Variants in GATAD2B observed in about 807,000 individuals in gnomAD.
GATAD2B encodes the protein transcriptional repressor p66-beta.
GATAD2B carries 8 observed loss-of-function variants against 64.3 expected under a neutral mutation model. That is an observed-to-expected ratio of 0.12 (90% CI 0.07 to 0.22). The LOEUF is 0.22. GATAD2B is among the 10% of genes least tolerant of loss of function. The probability of loss-of-function intolerance (pLI) is 1.00; values close to 1 mark genes in which losing one functional copy is unlikely to be tolerated. For missense variants in GATAD2B, 453 were observed against 752.0 expected, an observed-to-expected ratio of 0.60 and a Z score of 4.65; for synonymous variants, 281 against 271.3, an observed-to-expected ratio of 1.04 and a Z score of -0.35.
At position 153,811,858 on chromosome 1, in the gene GATAD2B, TGAG is replaced by T. The variant is rs777493201; in HGVS notation, c.1531-13_1531-11del. On this transcript the variant is annotated splice_polypyrimidine_tract_variant and intron_variant, in intron 9 of 10. Coordinates refer to ENST00000368655, the MANE Select transcript of GATAD2B (RefSeq NM_020699.4). ...TCTGGGGCTGTGGAGCCTGCAATGATGAGGAGACAGTGGATACAACTTTGATAT... is the reference window on the plus strand; with the variant it reads ...TCTGGGGCTGTGGAGCCTGCAATGATGAGACAGTGGATACAACTTTGATAT... 1.9e-6 allele frequency: 3 copies of T among 1,558,824 alleles called. No individual in the cohort carries two copies. The highest frequency in any genetic ancestry group is 2.6e-6 in the Non-Finnish European group (3 of 1,134,146).
At chr1:153,911,660 C>T (rs902489433) in intron 1 of GATAD2B, among the ~76,000 whole-genome samples, 3 of 151,934 alleles carry the variant, frequency 2.0e-5, no homozygotes, top group East Asian at 1.9e-4. Context: ...CACTTGAACT[C>T]GGGAGGCGGA....
At chr1:153,826,181 T>G (rs1315499011) in intron 2 of GATAD2B, among the ~76,000 whole-genome samples, 1 of 152,058 alleles carries the variant, frequency 6.6e-6, no homozygotes, top group East Asian at 2.0e-4. Flanking sequence ...TTTTTTGTAT[T>G]TTTAGTAGAG....
intron 8 of GATAD2B, among the ~76,000 whole-genome samples, chr1:153,812,659 G>A (rs1674333772): frequency 6.6e-6 from 1 of 151,720 alleles, no homozygotes. Flanking sequence ...CATAAATGGG[G>A]TTTTATTTTT....
At chr1:153,834,247 G>A (rs1442659165) in intron 1 of GATAD2B, among the ~76,000 whole-genome samples, 3 of 150,950 alleles carry the variant, frequency 2.0e-5, no homozygotes, top group African/African-American at 4.9e-5. Flanking sequence ...CTCGTGATCC[G>A]CCCACCTCAG....
chr1:153,904,018 C>T (rs775196052), intron 1 of GATAD2B, among the ~76,000 whole-genome samples: 1 of 152,054 alleles, frequency 6.6e-6, no homozygotes, highest in Non-Finnish European at 1.5e-5. Context: ...CGGTGGCTCA[C>T]GCCTGTAATC....
intron 1 of GATAD2B, 83 bp from the exon 2 acceptor site, chr1:153,828,431 TAAC>T (rs997035174): frequency 2.2e-6 from 2 of 926,348 alleles, no homozygotes; most frequent in African/African-American, 1.7e-5. Flanking sequence ...GTGAAGTTAT[TAAC>T]AAGAATCTCT....
chr1:153,847,029 A>G (rs1176467698), intron 1 of GATAD2B, among the ~76,000 whole-genome samples: 1 of 151,940 alleles, frequency 6.6e-6, no homozygotes, highest in African/African-American at 2.4e-5. Context: ...CGATGGCACA[A>G]TCTCCTGGCT....
At position 153,816,638 on chromosome 1, in the gene GATAD2B, C is replaced by T. The variant is rs375045896; in HGVS notation, c.901-50G>A. On this transcript the variant is annotated intron_variant, in intron 6 of 10. Coordinates refer to ENST00000368655, the MANE Select transcript of GATAD2B (RefSeq NM_020699.4). The surrounding 1 kb of genome is among the most constrained non-coding windows in gnomAD (Gnocchi z 4.9). ...AATCATGGTATGCAGGAGAAAGGGC[C>T]AATTCTTACGTTCTTGGCAGAGGAC... is the stretch of plus-strand genomic sequence containing the variant. 3 of 1,257,746 alleles carry T rather than the reference C, an allele frequency of 2.4e-6. No individual in the cohort carries two copies. The highest frequency in any genetic ancestry group is 3.4e-6 in the Non-Finnish European group (3 of 874,464). 77.9% of individuals were successfully genotyped at this position (1,257,746 alleles called of 1,614,324 possible).
Position 153,816,062 on chromosome 1 carries a change from ACAC to A in GATAD2B, c.1216+208_1216+210del. On this transcript the variant is annotated intron_variant, in intron 7 of 10. Transcript: ENST00000368655. This position sits in a 1 kb window ranked among gnomAD's most constrained non-coding sequence, Gnocchi z 4.9. ...AGCGAGACTGCATCTCAAACAAAAC[ACAC>A]ACACACACACACACACACACACACA... Among the ~76,000 whole-genome samples, 1 of 19,304 alleles carries A rather than the reference ACAC, an allele frequency of 5.2e-5. No homozygotes were observed. Among genetic ancestry groups the A allele is most frequent in the African/African-American group, 1.5e-4 (1 of 6,854 alleles). 12.7% of individuals were successfully genotyped at this position (19,304 alleles called of 152,430 possible).
rs749141299 is a variant in GATAD2B at position 153,810,298 on chromosome 1, G to C, written c.1661C>G (p.Ala554Gly). 74 of 1,613,070 alleles carry C rather than the reference G, an allele frequency of 4.6e-5. No homozygotes were observed. In the East Asian group the frequency reaches 1.2e-3, roughly 26 times the overall value. The part of the protein sequence containing the change: ...GLLGMPGVNI[A>G]YLNTGIGGHK... ...TCCTCCGATGCCAGTATTCAAGTAT[G>C]CAATGTTGACACCTGGACCCAGGAG... The change falls in exon 11 of 11, where the codon GCA becomes GGA. Residue 554 changes from alanine to glycine, a missense_variant. Physicochemically the swap from Ala to Gly is moderately conservative, Grantham distance 60. Transcript: ENST00000368655.
At chr1:153,853,219 C>G in intron 1 of GATAD2B, 2 of 1,135,816 alleles carry the variant, frequency 1.8e-6, no homozygotes, top group Non-Finnish European at 2.7e-6. Context: ...ATGGGCAGAG[C>G]ACACTGGTCA....
chr1:153,890,456 C>A (rs1677340820), intron 1 of GATAD2B: 1 of 151,028 alleles, frequency 6.6e-6, no homozygotes, highest in South Asian at 2.1e-4. Flanking sequence ...CCACTGCACT[C>A]CAGCCTAGGC....
In GATAD2B at chr1:153,813,398, C is replaced by A. The variant is rs375391021; in HGVS notation, c.1271G>T (p.Arg424Leu). The A allele has an allele frequency of 6.2e-7, 1 of 1,613,938 alleles. No homozygotes were observed. ...CTTCCAGTGAGGGGTGAAATCTGTGCGGCACTGGGCACATACAAAGGGTTC... is the reference window on the plus strand; with the variant it reads ...CTTCCAGTGAGGGGTGAAATCTGTGAGGCACTGGGCACATACAAAGGGTTC... ...RVEPFVCAQCRTDFTPHWKQE... is the reference protein window; with the variant it reads ...RVEPFVCAQCLTDFTPHWKQE... Residue 424 changes from arginine (R) to leucine (L), a missense_variant, in exon 8 of 11, where the codon CGC becomes CTC. Arg to Leu is a moderately radical substitution (Grantham distance 102). This residue lies in a region of GATAD2B where 160 missense variants were observed against 334.7 expected (regional missense o/e 0.48). Transcript: ENST00000368655.
intron 1 of GATAD2B, among the ~76,000 whole-genome samples, chr1:153,892,777 C>T (rs920642657): frequency 2.0e-5 from 3 of 149,252 alleles, no homozygotes; most frequent in Non-Finnish European, 4.4e-5. Flanking sequence ...TTATTGCAAC[C>T]TCTGCCTCCC....
At chr1:153,922,299 A>AAG (rs1678470045) in intron 1 of GATAD2B, among the ~76,000 whole-genome samples, 1 of 132,504 alleles carries the variant, frequency 7.5e-6, no homozygotes, top group African/African-American at 2.9e-5. Context: ...AAAAAAAAAA[A>AAG]GGGGGGGGCG....
intron 1 of GATAD2B, among the ~76,000 whole-genome samples, chr1:153,917,583 C>T (rs187746054): frequency 7.2e-4 from 109 of 150,760 alleles, no homozygotes; most frequent in Admixed American, 1.2e-3. Context: ...TTAGTAGACA[C>T]GGGGTTTCAC....
At chr1:153,899,741 C>T (rs1205226258) in intron 1 of GATAD2B, among the ~76,000 whole-genome samples, 1 of 152,102 alleles carries the variant, frequency 6.6e-6, no homozygotes, top group Non-Finnish European at 1.5e-5. Flanking sequence ...GCTGGCCAGC[C>T]ACACTACTTC....
At chr1:153,888,979 C>T (rs1557823779) in intron 1 of GATAD2B, among the ~76,000 whole-genome samples, 1 of 152,078 alleles carries the variant, frequency 6.6e-6, no homozygotes, top group Non-Finnish European at 1.5e-5. Flanking sequence ...CAATCTCTGA[C>T]TTAAGAGCCC....
At chr1:153,860,952 T>C (rs1676259790) in intron 1 of GATAD2B, among the ~76,000 whole-genome samples, 1 of 152,194 alleles carries the variant, frequency 6.6e-6, no homozygotes, top group South Asian at 2.1e-4. Flanking sequence ...CTTAACTTTT[T>C]CACCTAACCA....
Sources: gnomAD v4.1 joint callset for allele counts (sites outside exome capture counted in the v4.1 genomes callset) on GRCh38, gnomAD v4.1.1 for gene constraint, gnomAD v4.1.1 regional missense constraint, Gnocchi (gnomAD v3.1) non-coding constraint, MANE v1.5 for transcripts, NCBI Gene and HGNC (gene_info 2026-07-23, HGNC 2026-07-21) for gene names.